DRC7: variants seen among roughly 807,000 people sequenced by gnomAD.
The protein encoded by DRC7 is coiled-coil domain containing 135.
In DRC7, 80 loss-of-function variants were observed where a neutral mutation model predicts 104.4. That is an observed-to-expected ratio of 0.77 (90% CI 0.64 to 0.92). The LOEUF (loss-of-function observed/expected upper bound fraction) is 0.92. Ranked by LOEUF, DRC7 falls within the 40% of genes least tolerant of loss-of-function variation. The probability of loss-of-function intolerance (pLI) is 0.00; values close to 1 mark genes in which losing one functional copy is unlikely to be tolerated. For missense variants in DRC7, 1,034 were observed against 1,141.1 expected (o/e 0.91, Z 1.35); for synonymous variants, 405 against 447.3 (o/e 0.91, Z 1.19).
intron 12 of DRC7, among the ~76,000 whole-genome samples, 196 bp from the exon 13 acceptor site, chr16:57,724,419 C>T (rs72795525): frequency 0.11 from 16,617 of 151,664 alleles, 1,026 homozygotes; most frequent in Non-Finnish European, 0.14. Flanking sequence ...TGCAGATGTT[C>T]ATCATGGTGT....
chr16:57,718,572 G>A, intron 9 of DRC7, 97 bp downstream of exon 9: 1 of 1,411,076 alleles, frequency 7.1e-7, no homozygotes, highest in Non-Finnish European at 9.8e-7. Context: ...AGTGGGGGAT[G>A]GCCCAAGTAG....
At chr16:57,716,575 C>G (rs1299949138) in intron 8 of DRC7, among the ~76,000 whole-genome samples, 1 of 151,924 alleles carries the variant, frequency 6.6e-6, no homozygotes, top group Non-Finnish European at 1.5e-5. Context: ...GCCCATTAAG[C>G]TTTGCCACAG....
At position 57,730,925 on chromosome 16, in the gene DRC7, C is replaced by T. The variant is rs371969814; in HGVS notation, c.2392-6C>T. 6 of 1,612,752 alleles carry T rather than the reference C, an allele frequency of 3.7e-6. No homozygotes were observed. The highest frequency in any genetic ancestry group is 3.3e-4 in the Middle Eastern group (2 of 6,076). ...TCCTCCTTCTCTGTCTGCCCTATGA[C>T]CACAGGAGACCCAGGAGCTGCAAAA... On this transcript the variant is annotated splice_polypyrimidine_tract_variant and splice_region_variant and intron_variant, in intron 17 of 18. Coordinates refer to ENST00000360716, the MANE Select transcript of DRC7 (RefSeq NM_001289162.2).
chr16:57,721,866 C>T (rs2048906528), intron 10 of DRC7, 127 bp downstream of exon 10: 1 of 665,042 alleles, frequency 1.5e-6, no homozygotes, highest in Non-Finnish European at 2.6e-6. Flanking sequence ...ACCCTTCTCA[C>T]CTTCAGCTGC....
rs142210058 is a variant in DRC7 at position 57,724,761 on chromosome 16, C to T, written c.1684C>T (p.Arg562Cys). The change falls in exon 13 of 19, where the codon CGC becomes TGC. Residue 562 changes from arginine to cysteine, a missense_variant. Coordinates refer to ENST00000360716, the MANE Select transcript of DRC7 (RefSeq NM_001289162.2). ...YQGRPDFLSY[R>C]HASFGPRVKK... ...AGGACGCCCAGACTTCCTCTCCTAC[C>T]GCCATGCCAGCTTCGGACCCCGAGT... is the stretch of plus-strand genomic sequence containing the variant. The T allele has an allele frequency of 6.9e-4, 1,120 of 1,613,838 alleles. 16 individuals are homozygous for T. Among genetic ancestry groups the T allele is most frequent in the Admixed American group, 4.3e-4 (26 of 60,024 alleles).
rs141956040 is a variant in DRC7, at chr16:57,708,541, T to C, written c.1077+863T>C. On this transcript the variant is annotated intron_variant, in intron 8 of 18. Transcript: ENST00000360716. ...AGACTGTGTCCAGTTTGGGACTATTTTGAATAATGCCGCCATGAATATTTG... is the reference window on the plus strand; with the variant it reads ...AGACTGTGTCCAGTTTGGGACTATTCTGAATAATGCCGCCATGAATATTTG... Among the ~76,000 whole-genome samples the C allele has an allele frequency of 3.6e-3, 551 of 152,356 alleles. 6 individuals are homozygous for C. Among genetic ancestry groups the C allele is most frequent in the African/African-American group, 0.013 (523 of 41,578 alleles).
chr16:57,730,121 A>G (rs1597817077), intron 17 of DRC7, among the ~76,000 whole-genome samples: 3 of 94,448 alleles, frequency 3.2e-5, no homozygotes, highest in Non-Finnish European at 4.0e-5. Context: ...GGGTGGGTGG[A>G]TGGATGAGTG....
In DRC7 at chr16:57,724,821, C is replaced by T; in HGVS notation, c.1744C>T (p.Pro582Ser). 1 of 1,613,202 alleles carries T rather than the reference C, an allele frequency of 6.2e-7. No individual in the cohort carries two copies. Among genetic ancestry groups the T allele is most frequent in the South Asian group, 1.1e-5 (1 of 91,020 alleles). The change falls in exon 13 of 19, where the codon CCC becomes TCC. Residue 582 changes from proline to serine, a missense_variant. By Grantham distance (74) the Pro-to-Ser change is moderately conservative. Coordinates refer to ENST00000360716, the MANE Select transcript of DRC7 (RefSeq NM_001289162.2). ...KLTLSSAESN[P>S]RPIVKITERF... The stretch of plus-strand genomic sequence containing the variant: ...CACTCTGAGCAGTGCAGAGTCAAAC[C>T]CCCGGCCCATTGTGGTAAGAGCTCG...
At chr16:57,709,240 G>T (rs1470245572) in intron 8 of DRC7, among the ~76,000 whole-genome samples, 2 of 151,890 alleles carry the variant, frequency 1.3e-5, no homozygotes, top group African/African-American at 2.4e-5. Context: ...GGGGTTTTCT[G>T]CATATACAAT....
chr16:57,726,526 G>C (rs1176481568), intron 14 of DRC7: 4 of 571,422 alleles, frequency 7.0e-6, no homozygotes, highest in Non-Finnish European at 1.2e-5. Context: ...CTGCAGTCCT[G>C]GTCAGGGCAA....
rs148119424 is a variant in DRC7 at position 57,707,786 on chromosome 16, C to T, written c.1077+108C>T. 1.4e-3 allele frequency: 1,429 copies of T among 989,016 alleles called. 11 individuals are homozygous for T. In the African/African-American group the frequency reaches 0.016, roughly 11 times the overall value. The allele number at this position is 989,016 out of a possible 1,614,324, so 61.3% of individuals were successfully genotyped here. ...TTGGGGAGAGCGAGACACCAGGCCA[C>T]GAGGGCTTTGAACCTTCTCCATAGC... On this transcript the variant is annotated intron_variant, in intron 8 of 18. Transcript: ENST00000360716.
At chr16:57,724,883 G>C (rs756933391) in intron 13 of DRC7, 48 bp downstream of exon 13, 20 of 1,458,312 alleles carry the variant, frequency 1.4e-5, no homozygotes, top group Non-Finnish European at 1.9e-5. Flanking sequence ...TTCTCTGGCA[G>C]CTGATGTCAC....
chr16:57,705,311 C>A (rs1425154643), intron 7 of DRC7, among the ~76,000 whole-genome samples: 1 of 151,948 alleles, frequency 6.6e-6, no homozygotes, highest in East Asian at 1.9e-4. Flanking sequence ...TAGACTCTTA[C>A]TGGGGATATA....
chr16:57,714,842 G>A, intron 8 of DRC7: 1 of 347,732 alleles, frequency 2.9e-6, no homozygotes, highest in Admixed American at 3.6e-5. Flanking sequence ...TATACTACTT[G>A]CATACATTGC....
intron 8 of DRC7, among the ~76,000 whole-genome samples, chr16:57,716,668 G>A (rs548559128): frequency 6.6e-6 from 1 of 152,180 alleles, no homozygotes; most frequent in East Asian, 1.9e-4. Context: ...CCACGAGCTA[G>A]GGCAGAGAAA....
At chr16:57,716,306 C>G (rs1238487570) in intron 8 of DRC7, among the ~76,000 whole-genome samples, 8 of 152,036 alleles carry the variant, frequency 5.3e-5, no homozygotes, top group Non-Finnish European at 7.4e-5. Context: ...AGTTCAAGAC[C>G]AGCCTGGCCA....
chr16:57,718,662 G>A (rs1446520697), intron 9 of DRC7, among the ~76,000 whole-genome samples, 187 bp downstream of exon 9: 1 of 152,128 alleles, frequency 6.6e-6, no homozygotes, highest in Non-Finnish European at 1.5e-5. Context: ...GCCCAGAAAG[G>A]CCAGAAACCT....
At chr16:57,718,745 C>A (rs1258130677) in intron 9 of DRC7, among the ~76,000 whole-genome samples, 3 of 152,170 alleles carry the variant, frequency 2.0e-5, no homozygotes, top group African/African-American at 7.2e-5. Context: ...ATATCGTCCA[C>A]CTTGTTCAGG....
rs1482091751 is a variant in DRC7 at position 57,730,916 on chromosome 16, G to T, written c.2392-15G>T. ...CCTTGTCAGTCCTCCTTCTCTGTCT[G>T]CCCTATGACCACAGGAGACCCAGGA... On this transcript the variant is annotated splice_polypyrimidine_tract_variant and intron_variant, in intron 17 of 18. Transcript: ENST00000360716. 7.4e-6 allele frequency: 12 copies of T among 1,612,402 alleles called. No homozygotes were observed. The highest frequency in any genetic ancestry group is 1.0e-5 in the Non-Finnish European group (12 of 1,179,560).
Sources: gnomAD v4.1 joint callset for allele counts (sites outside exome capture counted in the v4.1 genomes callset) on GRCh38, gnomAD v4.1.1 for gene constraint, MANE v1.5 for transcripts, NCBI Gene and HGNC (gene_info 2026-07-23, HGNC 2026-07-21) for gene names.